MACROD2: variants seen among roughly 807,000 people sequenced by gnomAD.
MACROD2 encodes mono-ADP ribosylhydrolase 2, also known as ADP-ribose glycohydrolase MACROD2.
Under a neutral mutation model 70.4 loss-of-function variants are expected in MACROD2, and 36 were observed. That is an observed-to-expected ratio of 0.51 (90% CI 0.39 to 0.68). The LOEUF is 0.68. MACROD2 is among the 30% of genes least tolerant of loss of function. MACROD2 has a pLI of 0.00. For missense variants in MACROD2, 496 were observed against 538.4 expected (o/e 0.92, Z 0.78); for synonymous variants, 172 against 178.8 (o/e 0.96, Z 0.30).
chr20:15,904,142 C>T (rs1156288699), intron 10 of MACROD2, among the ~76,000 whole-genome samples: 5 of 152,166 alleles, frequency 3.3e-5, no homozygotes, highest in South Asian at 2.1e-4. Flanking sequence ...GCCATAGTAG[C>T]GCACCCCGAG....
At chr20:14,655,566 T>C (rs770465196) in intron 4 of MACROD2, among the ~76,000 whole-genome samples, 5 of 152,194 alleles carry the variant, frequency 3.3e-5, no homozygotes, top group Non-Finnish European at 5.9e-5. Context: ...AGTAACTTTA[T>C]TGCTAAGCTA....
At chr20:15,164,729 C>T (rs2076371674) in intron 5 of MACROD2, among the ~76,000 whole-genome samples, 1 of 151,888 alleles carries the variant, frequency 6.6e-6, no homozygotes, top group African/African-American at 2.4e-5. Context: ...GACCTTGTCT[C>T]TACAAAAAAT....
At position 14,541,840 on chromosome 20, in the gene MACROD2, G is replaced by T. The variant is rs555211013; in HGVS notation, c.301+48332G>T. 2.4e-4 allele frequency among the ~76,000 whole-genome samples: 36 copies of T among 152,214 alleles called. No individual in the cohort carries two copies. In the East Asian group the frequency reaches 6.2e-3, roughly 26 times the overall value. On this transcript the variant is annotated intron_variant, in intron 4 of 17. Transcript: ENST00000684519. ...AAGTCTTAAATGTCTTAAAAATATT[G>T]ATTAATAGATCCTTTAAATAATATG... is the stretch of plus-strand genomic sequence containing the variant.
At chr20:15,203,187 T>G (rs2076671929) in intron 5 of MACROD2, among the ~76,000 whole-genome samples, 1 of 152,208 alleles carries the variant, frequency 6.6e-6, no homozygotes, top group Non-Finnish European at 1.5e-5. Flanking sequence ...TTCCACATTT[T>G]AGACATTCAA....
rs111824852 is a variant in MACROD2 at position 15,018,453 on chromosome 20, C to A, written c.419-211487C>A. ...AAATTTTCCCACATTTTCCCATCTT[C>A]TTCTGAGCCTCCAAACTGTTCCAAC... On this transcript the variant is annotated intron_variant, in intron 5 of 17. Transcript: ENST00000684519. Among the ~76,000 whole-genome samples the A allele has an allele frequency of 2.8e-3, 420 of 152,302 alleles. 2 individuals are homozygous for A. The highest frequency in any genetic ancestry group is 9.4e-3 in the African/African-American group (391 of 41,562).
At chr20:15,356,873 G>T (rs557236048) in intron 6 of MACROD2, among the ~76,000 whole-genome samples, 2 of 152,172 alleles carry the variant, frequency 1.3e-5, no homozygotes, top group African/African-American at 2.4e-5. Flanking sequence ...GTTAATTCAG[G>T]TTACCTAAGT....
At chr20:14,719,453 A>G (rs1191286394) in intron 5 of MACROD2, among the ~76,000 whole-genome samples, 1 of 144,098 alleles carries the variant, frequency 6.9e-6, no homozygotes, top group Non-Finnish European at 1.5e-5. Context: ...CAGTTCTATC[A>G]GGAATAGGCA....
chr20:15,102,109 C>T (rs1284769470), intron 5 of MACROD2, among the ~76,000 whole-genome samples: 1 of 151,608 alleles, frequency 6.6e-6, no homozygotes, highest in Non-Finnish European at 1.5e-5. Context: ...ATTCAGAATA[C>T]ATAAAGAACA....
intron 10 of MACROD2, among the ~76,000 whole-genome samples, chr20:15,894,391 T>C (rs1173946138): frequency 6.6e-6 from 1 of 152,180 alleles, no homozygotes; most frequent in Non-Finnish European, 1.5e-5. Context: ...CAGCTCTAAA[T>C]AGGAAAGCTT....
intron 3 of MACROD2, among the ~76,000 whole-genome samples, chr20:14,425,006 C>T (rs769094664): frequency 3.9e-5 from 6 of 152,178 alleles, no homozygotes; most frequent in Admixed American, 6.5e-5. Flanking sequence ...TGTTTCTGTT[C>T]GGGTTCCAAC....
chr20:15,124,521 GT>G (rs1373815816), intron 5 of MACROD2, among the ~76,000 whole-genome samples: 1 of 151,836 alleles, frequency 6.6e-6, no homozygotes, highest in African/African-American at 2.4e-5. Flanking sequence ...CATGCTGTGT[GT>G]TTTATCAAAT....
intron 12 of MACROD2, among the ~76,000 whole-genome samples, chr20:15,964,922 A>G (rs1279886419): frequency 2.6e-5 from 4 of 152,170 alleles, no homozygotes; most frequent in Non-Finnish European, 5.9e-5. Flanking sequence ...TCTGGAGCAA[A>G]GTTTCACATA....
intron 8 of MACROD2, among the ~76,000 whole-genome samples, chr20:15,703,250 C>T (rs975400330): frequency 6.6e-6 from 1 of 152,208 alleles, no homozygotes; most frequent in African/African-American, 2.4e-5. Context: ...AATTATTCCA[C>T]ATTGTGACAC....
At chr20:14,403,675 T>C (rs1376261924) in intron 3 of MACROD2, among the ~76,000 whole-genome samples, 3 of 152,304 alleles carry the variant, frequency 2.0e-5, no homozygotes, top group African/African-American at 7.2e-5. Flanking sequence ...CACAGAGTAT[T>C]CTCTGGAGCC....
At chr20:15,991,319 A>G (rs1411329060) in intron 15 of MACROD2, among the ~76,000 whole-genome samples, 2 of 152,186 alleles carry the variant, frequency 1.3e-5, no homozygotes, top group Non-Finnish European at 2.9e-5. Context: ...GCTTCTACCA[A>G]TCAAATCCAT....
intron 15 of MACROD2, among the ~76,000 whole-genome samples, chr20:16,021,186 A>G (rs1226936497): frequency 1.3e-5 from 2 of 152,176 alleles, no homozygotes; most frequent in Non-Finnish European, 2.9e-5. Context: ...TTATTCTCCA[A>G]AAGTTAAAAT....
intron 10 of MACROD2, chr20:15,893,848 G>A (rs1005052558): frequency 2.2e-6 from 1 of 456,782 alleles, no homozygotes; most frequent in Non-Finnish European, 4.4e-6. Context: ...CAGAAGTGCA[G>A]GATAAAGGTG....
chr20:15,663,333 C>T (rs1370599207), intron 8 of MACROD2, among the ~76,000 whole-genome samples: 1 of 150,170 alleles, frequency 6.7e-6, no homozygotes, highest in Non-Finnish European at 1.5e-5. Context: ...ACTCTGGGGT[C>T]AAGCGATTCT....
chr20:15,679,264 G>C (rs564755725), intron 8 of MACROD2, among the ~76,000 whole-genome samples: 2 of 150,064 alleles, frequency 1.3e-5, no homozygotes, highest in South Asian at 4.2e-4. Context: ...GAGATGCACA[G>C]AATCAGCTCA....
Sources: gnomAD v4.1 joint callset for allele counts (sites outside exome capture counted in the v4.1 genomes callset) on GRCh38, gnomAD v4.1.1 for gene constraint, MANE v1.5 for transcripts, NCBI Gene and HGNC (gene_info 2026-07-23, HGNC 2026-07-21) for gene names.